NKX2-1: variants seen among roughly 807,000 people sequenced by gnomAD.
NKX2-1 encodes the protein NK2 homeobox 1.
NKX2-1 carries 9 observed loss-of-function variants against 35.1 expected under a neutral mutation model. The observed-to-expected ratio is 0.26, with a 90% CI of 0.15 to 0.45. The LOEUF (loss-of-function observed/expected upper bound fraction) is 0.45, where lower values mean the gene tolerates loss of function less well. Ranked by LOEUF, NKX2-1 falls within the 20% of genes least tolerant of loss-of-function variation. NKX2-1 has a pLI of 1.00. For missense variants in NKX2-1, 509 were observed against 589.1 expected, an observed-to-expected ratio of 0.86 and a Z score of 1.41; for synonymous variants, 284 against 269.9, an observed-to-expected ratio of 1.05 and a Z score of -0.51.
chr14:36,517,034 G>A lies in NKX2-1; in HGVS notation c.*244C>T. 2 of 720,068 alleles carry A rather than the reference G, an allele frequency of 2.8e-6. No individual in the cohort carries two copies. The highest frequency in any genetic ancestry group is 4.3e-6 in the Non-Finnish European group (2 of 463,444). The allele number at this position is 720,068 out of a possible 1,614,324, so 44.6% of individuals were successfully genotyped here. A position where few individuals can be genotyped will look rare whatever the true frequency, so the allele number is the denominator to read the frequency against. Reference sequence around the variant, plus strand: ...CTCTGCTTAAAGATTCCTTGAGATTGGATGCGCTTGGTTGTTTTTCATTTT... The same window carrying A: ...CTCTGCTTAAAGATTCCTTGAGATTAGATGCGCTTGGTTGTTTTTCATTTT... On this transcript the variant is annotated 3_prime_UTR_variant, in exon 3 of 3. Coordinates refer to ENST00000354822, the MANE Select transcript of NKX2-1 (RefSeq NM_001079668.3).
chr14:36,519,626 A>G, intron 1 of NKX2-1: 3 of 1,530,900 alleles, frequency 2.0e-6, no homozygotes, highest in Admixed American at 2.0e-5. Flanking sequence ...AAGCAACAAG[A>G]CAATAGAAGC....
Position 36,517,513 on chromosome 14 carries a change from G to A in NKX2-1, c.971C>T (p.Ala324Val), listed in dbSNP as rs1268490942. 7.3e-7 allele frequency: 1 copy of A among 1,373,740 alleles called. No homozygotes were observed. The highest frequency in any genetic ancestry group is 9.3e-7 in the Non-Finnish European group (1 of 1,071,064). 85.1% of individuals were successfully genotyped at this position (1,373,740 alleles called of 1,614,324 possible). A position where few individuals can be genotyped will look rare whatever the true frequency, so the allele number is the denominator to read the frequency against. ...CGCTGCCGCCGCCTGCGCGGCCTGC[G>A]CCTGGTGCTGCGCCTGCTGCTGCGC... Reference protein sequence around the residue: ...GHAQQQAQHQAQAAQAAAAAI... With the variant: ...GHAQQQAQHQVQAAQAAAAAI... The change falls in exon 3 of 3, where the codon GCG becomes GTG. Residue 324 changes from alanine to valine, a missense_variant. By Grantham distance (64) the Ala-to-Val change is moderately conservative. Coordinates refer to ENST00000354822, the MANE Select transcript of NKX2-1 (RefSeq NM_001079668.3).
rs1269465541 is a variant in NKX2-1 at position 36,517,958 on chromosome 14, G to A, written c.526C>T (p.Leu176=). The A allele has an allele frequency of 1.2e-6, 2 of 1,601,124 alleles. No homozygotes were observed. Among genetic ancestry groups the A allele is most frequent in the East Asian group, 4.5e-5 (2 of 44,850 alleles). ...GCCATGTTCTTGCTCACGTCCCCCA[G>A]CGAGCCCAGGCCGCCCATGCCGCTC... The part of the protein sequence containing the change: ...NMSGMGGLGS[L]GDVSKNMAPL... Residue 176 remains leucine, a synonymous_variant, in exon 3 of 3, where the codon CTG becomes TTG. Transcript: ENST00000354822.
At chr14:36,520,008 A>T (rs1253781214) in intron 1 of NKX2-1, 45 bp downstream of exon 1, 15 of 1,609,722 alleles carry the variant, frequency 9.3e-6, no homozygotes, top group African/African-American at 2.7e-5. Context: ...GGGCACGGAC[A>T]GGTCTTTAGG....
At position 36,517,665 on chromosome 14, in the gene NKX2-1, C is replaced by T; in HGVS notation, c.819G>A (p.Gly273=). The T allele has an allele frequency of 1.9e-6, 3 of 1,549,814 alleles. No individual in the cohort carries two copies. The highest frequency in any genetic ancestry group is 1.9e-5 in the Admixed American group (1 of 51,386). Residue 273 remains glycine, a synonymous_variant, in exon 3 of 3, where the codon GGG becomes GGA. Coordinates refer to ENST00000354822, the MANE Select transcript of NKX2-1 (RefSeq NM_001079668.3). ...GCTGAGCCTGTTGCTGCTGCGGGCA[C>T]CCGGTGCCCCCGCCGCCCCCGCCGC... is the stretch of plus-strand genomic sequence containing the variant. ...SGGGGGGGGT[G]CPQQQQAQQQ... is the part of the protein sequence containing the mutation.
intron 1 of NKX2-1, 113 bp from the exon 2 acceptor site, chr14:36,519,483 G>T (rs1881241442): frequency 6.5e-7 from 1 of 1,545,288 alleles, no homozygotes; most frequent in Admixed American, 2.0e-5. Flanking sequence ...CGCCGATCTT[G>T]TTGGATGTAC....
At chr14:36,518,888 C>T in intron 2 of NKX2-1, 97 bp downstream of exon 2, 2 of 1,370,576 alleles carry the variant, frequency 1.5e-6, no homozygotes, top group Non-Finnish European at 1.9e-6. Context: ...CTCCCTGATG[C>T]CCAGCGCGCA....
chr14:36,519,516 C>A, intron 1 of NKX2-1, 146 bp from the exon 2 acceptor site: 1 of 1,537,390 alleles, frequency 6.5e-7, no homozygotes, highest in Non-Finnish European at 8.7e-7. Context: ...GGACCGAGTC[C>A]TCCTTAATTG....
rs2139404771 is a variant in NKX2-1 at position 36,517,135 on chromosome 14, GT to G, written c.*142del. The G allele has an allele frequency of 7.1e-6, 10 of 1,400,946 alleles. No individual in the cohort carries two copies. The highest frequency in any genetic ancestry group is 1.5e-5 in the South Asian group (1 of 66,562). 86.8% of individuals were successfully genotyped at this position (1,400,946 alleles called of 1,614,324 possible). On this transcript the variant is annotated 3_prime_UTR_variant, in exon 3 of 3. Coordinates refer to ENST00000354822, the MANE Select transcript of NKX2-1 (RefSeq NM_001079668.3). ...GACGTCCAGCAGTTTGGCCTTTGTG[GT>G]TTTTTTGTTCCTTGGTCTAAACGCG...
Position 36,517,203 on chromosome 14 carries a change from G to A in NKX2-1, c.*75C>T. On this transcript the variant is annotated 3_prime_UTR_variant, in exon 3 of 3. Transcript: ENST00000354822. ...AAGTCGAAGCGCGTGGAGCAGCGGT[G>A]GATGGTGGTCTGTGTGGCGGGCAGG... 6.4e-7 allele frequency: 1 copy of A among 1,558,644 alleles called. No homozygotes were observed. The highest frequency in any genetic ancestry group is 8.7e-7 in the Non-Finnish European group (1 of 1,152,402).
In NKX2-1 at chr14:36,517,915, G is replaced by T. The variant is rs754669851; in HGVS notation, c.569C>A (p.Pro190Gln). The T allele has an allele frequency of 9.3e-6, 15 of 1,608,014 alleles. No homozygotes were observed. Among genetic ancestry groups the T allele is most frequent in the Admixed American group, 1.7e-5 (1 of 59,874 alleles). Residue 190 changes from proline to glutamine, a missense_variant, in exon 3 of 3, where the codon CCG (proline) becomes CAG (glutamine). By Grantham distance (76) the Pro-to-Gln change is moderately conservative (BLOSUM62 -1). Coordinates refer to ENST00000354822, the MANE Select transcript of NKX2-1 (RefSeq NM_001079668.3). Reference sequence around the variant, plus strand: ...GAAGAGCACCCGGCGCTTCCTGCGCGGCGCGCTTGGCAGCGGGGCCATGTT... The same window carrying T: ...GAAGAGCACCCGGCGCTTCCTGCGCTGCGCGCTTGGCAGCGGGGCCATGTT... ...SKNMAPLPSAPRRKRRVLFSQ... is the reference protein window; with the variant it reads ...SKNMAPLPSAQRRKRRVLFSQ...
chr14:36,519,408 G>C (rs748877478), intron 1 of NKX2-1, 38 bp from the exon 2 acceptor site: 11 of 1,611,280 alleles, frequency 6.8e-6, no homozygotes, highest in Non-Finnish European at 9.3e-6. Context: ...AAAAGGGAGA[G>C]GGGGAAGGCG....
intron 2 of NKX2-1, among the ~76,000 whole-genome samples, chr14:36,518,307 C>T (rs537045708): frequency 9.9e-5 from 15 of 152,262 alleles, no homozygotes; most frequent in Non-Finnish European, 2.1e-4. Flanking sequence ...GGAAAGGCCG[C>T]TTCTGCTCCT....
At chr14:36,519,738 A>G (rs975502184) in intron 1 of NKX2-1, 5 of 1,477,582 alleles carry the variant, frequency 3.4e-6, no homozygotes, top group Non-Finnish European at 3.6e-6. Context: ...AGAGAGAGAG[A>G]GGCAGAGACG....
In NKX2-1 at chr14:36,519,347, CTCA is replaced by C; in HGVS notation, c.98_100del (p.Met33del). ...TGAGAACGGAGTCGTGTGCTTTGGA[CTCA>C]TCGACATGATTCGGCGGCGGCTGGA... On this transcript the variant is annotated inframe_deletion, in exon 2 of 3. Coordinates refer to ENST00000354822, the MANE Select transcript of NKX2-1 (RefSeq NM_001079668.3). 6.2e-7 allele frequency: 1 copy of C among 1,613,046 alleles called. No individual in the cohort carries two copies. Among genetic ancestry groups the C allele is most frequent in the Non-Finnish European group, 8.5e-7 (1 of 1,180,034 alleles).
chr14:36,519,641 A>G (rs946309942), intron 1 of NKX2-1: 2 of 1,527,464 alleles, frequency 1.3e-6, no homozygotes, highest in Non-Finnish European at 1.8e-6. Context: ...AGAAGCCTAC[A>G]TCTTGCCCGA....
intron 1 of NKX2-1, 151 bp downstream of exon 1, chr14:36,519,902 G>C: frequency 7.9e-7 from 1 of 1,261,656 alleles, no homozygotes; most frequent in Non-Finnish European, 1.1e-6. Context: ...AACAGAGGAG[G>C]AGAGATGGTT....
In NKX2-1 at chr14:36,516,491, G is replaced by GAA. The variant is rs1389224940; in HGVS notation, c.*785_*786dup. On this transcript the variant is annotated 3_prime_UTR_variant, in exon 3 of 3. Coordinates refer to ENST00000354822, the MANE Select transcript of NKX2-1 (RefSeq NM_001079668.3). ...CCAAATATCTACATAAGTTACAACAGAAAAAGACTGACGCCGCAAATACCA... is the reference window on the plus strand; with the variant it reads ...CCAAATATCTACATAAGTTACAACAGAAAAAAAGACTGACGCCGCAAATACCA... 4.3e-6 allele frequency: 1 copy of GAA among 232,272 alleles called. No individual in the cohort carries two copies. The highest frequency in any genetic ancestry group is 5.6e-5 in the Admixed American group (1 of 17,756). 14.4% of individuals were successfully genotyped at this position (232,272 alleles called of 1,614,324 possible).
At chr14:36,518,841 C>T in intron 2 of NKX2-1, 144 bp downstream of exon 2, 1 of 1,109,160 alleles carries the variant, frequency 9.0e-7, no homozygotes, top group East Asian at 3.0e-5. Context: ...ATCCCCAGCT[C>T]CCGCACCCAA....
Sources: gnomAD v4.1 joint callset for allele counts (sites outside exome capture counted in the v4.1 genomes callset) on GRCh38, gnomAD v4.1.1 for gene constraint, MANE v1.5 for transcripts, NCBI Gene and HGNC (gene_info 2026-07-23, HGNC 2026-07-21) for gene names.